The following PPP2R2B variants were observed in gnomAD, a reference collection of about 807,000 sequenced individuals.
PPP2R2B encodes protein phosphatase 2 regulatory subunit Bbeta.
Under a neutral mutation model 46.0 loss-of-function variants are expected in PPP2R2B, and 5 were observed. The observed-to-expected ratio is 0.11, with a 90% CI of 0.06 to 0.23. The LOEUF (loss-of-function observed/expected upper bound fraction) is 0.23. Ranked by LOEUF, PPP2R2B falls within the 10% of genes least tolerant of loss-of-function variation. The pLI is 1.00. For synonymous variants in PPP2R2B, 215 were observed against 206.7 expected (o/e 1.04, Z -0.34); for missense variants, 367 against 575.0 (o/e 0.64, Z 3.70).
intron 1 of PPP2R2B, among the ~76,000 whole-genome samples, chr5:146,923,529 G>C (rs181816369): frequency 1.3e-5 from 2 of 152,330 alleles, no homozygotes; most frequent in Non-Finnish European, 2.9e-5. Context: ...AAACAGATCA[G>C]CTTAGCCCAG....
chr5:146,888,671 C>CT lies in PPP2R2B; in HGVS notation c.79+166993dup, dbSNP rs537122701. Among the ~76,000 whole-genome samples, 610 of 152,114 alleles carry CT rather than the reference C, an allele frequency of 4.0e-3. 6 individuals are homozygous for CT. Among genetic ancestry groups the CT allele is most frequent in the African/African-American group, 0.014 (565 of 41,496 alleles). ...GAAAGATTTAGCTCCAGCTATAGCT[C>CT]TTTTTTTTAACTTATCAAATGCAGC... On this transcript the variant is annotated intron_variant, in intron 1 of 8. Transcript: ENST00000336640.
At chr5:146,692,697 C>A (rs951780562) in intron 4 of PPP2R2B, among the ~76,000 whole-genome samples, 1 of 151,712 alleles carries the variant, frequency 6.6e-6, no homozygotes, top group Non-Finnish European at 1.5e-5. Flanking sequence ...CCACGCCCGG[C>A]TAATTTTTTT....
intron 1 of PPP2R2B, among the ~76,000 whole-genome samples, chr5:146,886,652 G>A (rs319197): frequency 0.04 from 6,127 of 152,008 alleles, 411 homozygotes; most frequent in African/African-American, 0.14. Context: ...TCATAAACCA[G>A]AATAAGCCAA....
At chr5:146,786,449 A>G (rs1306547308) in intron 2 of PPP2R2B, among the ~76,000 whole-genome samples, 1 of 152,168 alleles carries the variant, frequency 6.6e-6, no homozygotes, top group Non-Finnish European at 1.5e-5. Context: ...CCTGATAAGG[A>G]AGACAGATGC....
Position 146,784,728 on chromosome 5 carries a change from T to G in PPP2R2B, c.71-83586A>C, listed in dbSNP as rs531380923. Among the ~76,000 whole-genome samples, 3 of 152,334 alleles carry G rather than the reference T, an allele frequency of 2.0e-5. No homozygotes were observed. The South Asian group carries it at 6.2e-4, about 32-fold the overall frequency. On this transcript the variant is annotated intron_variant, in intron 2 of 9. Coordinates refer to ENST00000394411, the MANE Select transcript of PPP2R2B (RefSeq NM_181675.4). Reference sequence around the variant, plus strand: ...CTCTTCAGAAGGATGACTGCCGTGTTGATTTTAAAACATTGTCCATTTTTC... The same window carrying G: ...CTCTTCAGAAGGATGACTGCCGTGTGGATTTTAAAACATTGTCCATTTTTC...
chr5:146,934,326 C>T (rs899733134), intron 1 of PPP2R2B, among the ~76,000 whole-genome samples: 1 of 151,418 alleles, frequency 6.6e-6, no homozygotes, highest in African/African-American at 2.4e-5. Flanking sequence ...TATTTCTCCA[C>T]ATCCTCTCCA....
chr5:146,894,313 A>T (rs959458307), intron 1 of PPP2R2B, among the ~76,000 whole-genome samples: 9 of 152,216 alleles, frequency 5.9e-5, no homozygotes, highest in Non-Finnish European at 8.8e-5. Flanking sequence ...ATCTTTAAGG[A>T]TTAGCTACTC....
intron 1 of PPP2R2B, among the ~76,000 whole-genome samples, chr5:146,898,068 C>T (rs1022473696): frequency 1.3e-5 from 2 of 152,112 alleles, no homozygotes; most frequent in Non-Finnish European, 2.9e-5. Flanking sequence ...GCCTGTAATC[C>T]CAGATACTCA....
intron 1 of PPP2R2B, chr5:146,919,928 T>C (rs561839186): frequency 5.7e-4 from 87 of 152,016 alleles, no homozygotes; most frequent in African/African-American, 2.1e-3. Flanking sequence ...TGGCAGCCAC[T>C]GATATAGCTC....
intron 2 of PPP2R2B, among the ~76,000 whole-genome samples, chr5:146,790,056 T>C (rs963395739): frequency 3.3e-5 from 5 of 152,198 alleles, no homozygotes; most frequent in Admixed American, 6.5e-5. Context: ...GGGGAAATGT[T>C]CTCAAACACT....
At chr5:146,990,944 G>A (rs114215987) in intron 1 of PPP2R2B, among the ~76,000 whole-genome samples, 4 of 151,996 alleles carry the variant, frequency 2.6e-5, no homozygotes, top group South Asian at 2.1e-4. Flanking sequence ...GAAGGTATAC[G>A]AATGGCCAAC....
At chr5:146,930,105 T>C (rs1561525119) in intron 1 of PPP2R2B, among the ~76,000 whole-genome samples, 2 of 152,146 alleles carry the variant, frequency 1.3e-5, no homozygotes, top group Non-Finnish European at 2.9e-5. Flanking sequence ...GGCACTATTA[T>C]GAAGAAAATA....
intron 2 of PPP2R2B, among the ~76,000 whole-genome samples, chr5:146,756,692 G>C (rs1477389861): frequency 6.6e-6 from 1 of 152,176 alleles, no homozygotes; most frequent in Non-Finnish European, 1.5e-5. Flanking sequence ...GATAATAATA[G>C]TACCAGCATC....
At chr5:147,061,314 G>T (rs1757250120) in intron 2 of PPP2R2B, among the ~76,000 whole-genome samples, 2 of 152,042 alleles carry the variant, frequency 1.3e-5, no homozygotes, top group South Asian at 2.1e-4. Flanking sequence ...TTTGCTTGAT[G>T]GTCAGGGAAG....
At position 146,899,996 on chromosome 5, in the gene PPP2R2B, T is replaced by C. The variant is rs186311629; in HGVS notation, c.79+155669A>G. 1.5e-3 allele frequency among the ~76,000 whole-genome samples: 235 copies of C among 152,298 alleles called. 3 individuals are homozygous for C. Among genetic ancestry groups the C allele is most frequent in the African/African-American group, 5.0e-3 (209 of 41,560 alleles). ...GGAAAATTTCTTCAACATTGGTCCC[T>C]AAAAAACAATGAAATGACAGCTTCA... On this transcript the variant is annotated intron_variant, in intron 1 of 8. Coordinates refer to the PPP2R2B transcript ENST00000336640.
At chr5:146,842,723 T>G (rs1221783851) in intron 2 of PPP2R2B, among the ~76,000 whole-genome samples, 1 of 152,180 alleles carries the variant, frequency 6.6e-6, no homozygotes, top group African/African-American at 2.4e-5. Context: ...CTCCCACTTA[T>G]AAGTGAGAAC....
intron 2 of PPP2R2B, among the ~76,000 whole-genome samples, chr5:146,752,641 A>G (rs905141595): frequency 2.0e-5 from 3 of 152,136 alleles, no homozygotes; most frequent in African/African-American, 7.2e-5. Context: ...GTGTGAGATA[A>G]GTTAAGTCCC....
chr5:146,902,162 C>T (rs1239838742), intron 1 of PPP2R2B, among the ~76,000 whole-genome samples: 1 of 152,128 alleles, frequency 6.6e-6, no homozygotes, highest in Non-Finnish European at 1.5e-5. Flanking sequence ...TTCCTTGCCC[C>T]CAAAGTCACC....
intron 2 of PPP2R2B, among the ~76,000 whole-genome samples, chr5:146,791,072 T>C (rs1480090525): frequency 1.3e-5 from 2 of 152,158 alleles, no homozygotes; most frequent in East Asian, 3.9e-4. Context: ...AAGGAAGGAC[T>C]CAACTATGCC....
Sources: gnomAD v4.1 joint callset for allele counts (sites outside exome capture counted in the v4.1 genomes callset) on GRCh38, gnomAD v4.1.1 for gene constraint, MANE v1.5 for transcripts, NCBI Gene and HGNC (gene_info 2026-07-23, HGNC 2026-07-21) for gene names.